The following NOL4 variants were observed in gnomAD, a reference collection of about 807,000 sequenced individuals.
NOL4 encodes cancer/testis antigen 125.
NOL4 carries 17 observed loss-of-function variants against 75.9 expected under a neutral mutation model. That is an observed-to-expected ratio of 0.22 (90% CI 0.15 to 0.34). NOL4 has a LOEUF of 0.34. NOL4 is among the 10% of genes least tolerant of loss of function. The pLI is 1.00. For missense variants in NOL4, 614 were observed against 793.5 expected (o/e 0.77, Z 2.72); for synonymous variants, 292 against 289.9 (o/e 1.01, Z -0.07).
At chr18:34,162,560 G>A (rs573365602) in intron 1 of NOL4, among the ~76,000 whole-genome samples, 23 of 152,262 alleles carry the variant, frequency 1.5e-4, no homozygotes, top group African/African-American at 5.3e-4. Flanking sequence ...TCTCTGAATA[G>A]ACCAATAACA....
chr18:34,063,754 T>C (rs1348096039), intron 5 of NOL4, among the ~76,000 whole-genome samples: 1 of 152,008 alleles, frequency 6.6e-6, no homozygotes, highest in Admixed American at 6.6e-5. Context: ...ACAAACATTA[T>C]TGTTTCCAGA....
chr18:33,885,976 T>C (rs941352996), intron 9 of NOL4, among the ~76,000 whole-genome samples: 3 of 151,916 alleles, frequency 2.0e-5, no homozygotes, highest in Non-Finnish European at 4.4e-5. Flanking sequence ...CACAATGGAG[T>C]GCTATTTGGC....
chr18:33,999,141 G>T (rs1453609083), intron 6 of NOL4, among the ~76,000 whole-genome samples: 1 of 149,678 alleles, frequency 6.7e-6, no homozygotes, highest in Non-Finnish European at 1.5e-5. Context: ...AGATAATGCT[G>T]AGTTTTTTTT....
intron 6 of NOL4, among the ~76,000 whole-genome samples, chr18:33,988,305 T>G (rs2146075456): frequency 6.6e-6 from 1 of 152,188 alleles, no homozygotes; most frequent in Middle Eastern, 3.4e-3. Context: ...ACCTCCCTAC[T>G]TCTATACATG....
chr18:33,962,586 A>G (rs1383159727), intron 6 of NOL4, among the ~76,000 whole-genome samples: 1 of 152,186 alleles, frequency 6.6e-6, no homozygotes, highest in Non-Finnish European at 1.5e-5. Context: ...TAAAACTAGA[A>G]CAGATCTCTG....
At chr18:34,083,557 T>C (rs1190496462) in intron 5 of NOL4, among the ~76,000 whole-genome samples, 1 of 152,174 alleles carries the variant, frequency 6.6e-6, no homozygotes, top group African/African-American at 2.4e-5. Context: ...ACACAGATGG[T>C]TCTGGAACTA....
chr18:34,138,310 T>A (rs1568383509), intron 1 of NOL4, among the ~76,000 whole-genome samples: 1 of 152,054 alleles, frequency 6.6e-6, no homozygotes, highest in African/African-American at 2.4e-5. Flanking sequence ...GCTGAGGTTG[T>A]AGGATCACTT....
At chr18:33,876,673 G>A (rs1476578645) in intron 10 of NOL4, among the ~76,000 whole-genome samples, 4 of 152,026 alleles carry the variant, frequency 2.6e-5, no homozygotes, top group Non-Finnish European at 1.5e-5. Flanking sequence ...ATATGATAAT[G>A]CCATTTTAAA....
intron 9 of NOL4, among the ~76,000 whole-genome samples, chr18:33,926,358 CAAAAAAAAAAAAAA>C (rs67803985): frequency 1.1e-4 from 5 of 46,528 alleles, no homozygotes; most frequent in African/African-American, 3.5e-4. Context: ...GACTCCATCT[CAAAAAAAAAAAAAA>C]AAAAAAAAAA....
chr18:34,020,564 T>C (rs543099278), intron 5 of NOL4, among the ~76,000 whole-genome samples: 1 of 152,200 alleles, frequency 6.6e-6, no homozygotes, highest in Non-Finnish European at 1.5e-5. Context: ...TTTATACCAG[T>C]GTTGTTCATA....
intron 1 of NOL4, chr18:34,221,635 TTA>T (rs1466148995): frequency 6.3e-6 from 1 of 159,508 alleles, no homozygotes; most frequent in Non-Finnish European, 1.4e-5. Context: ...CACAGAACTT[TTA>T]TATGTGTTTC....
chr18:33,905,714 T>C (rs1277780813), intron 9 of NOL4, among the ~76,000 whole-genome samples: 1 of 152,152 alleles, frequency 6.6e-6, no homozygotes, highest in African/African-American at 2.4e-5. Context: ...ATATGCTGTA[T>C]ATCAGGAAGC....
chr18:33,878,938 C>A (rs1006341186), intron 10 of NOL4, among the ~76,000 whole-genome samples: 4 of 151,994 alleles, frequency 2.6e-5, no homozygotes, highest in Admixed American at 2.0e-4. Context: ...CAACAGTCCC[C>A]AAATAATAAT....
intron 6 of NOL4, among the ~76,000 whole-genome samples, chr18:33,989,677 AAC>A (rs1170648648): frequency 6.6e-6 from 1 of 152,126 alleles, no homozygotes; most frequent in Non-Finnish European, 1.5e-5. Flanking sequence ...AGGGAAGTAT[AAC>A]AATTCATCAT....
chr18:34,142,513 G>C (rs1320974489), intron 1 of NOL4, among the ~76,000 whole-genome samples: 1 of 152,140 alleles, frequency 6.6e-6, no homozygotes, highest in Non-Finnish European at 1.5e-5. Flanking sequence ...AAAAAATGAT[G>C]AGTTCATGTC....
At chr18:34,033,537 T>C (rs901237730) in intron 5 of NOL4, among the ~76,000 whole-genome samples, 1 of 152,088 alleles carries the variant, frequency 6.6e-6, no homozygotes, top group Non-Finnish European at 1.5e-5. Flanking sequence ...GCAAAGTTTT[T>C]GTGACATATG....
intron 9 of NOL4, among the ~76,000 whole-genome samples, chr18:33,928,575 C>T (rs2067486113): frequency 6.6e-6 from 1 of 152,086 alleles, no homozygotes; most frequent in South Asian, 2.1e-4. Flanking sequence ...CACAGTACTA[C>T]TGAGGGACCA....
chr18:33,873,068 C>G (rs892750296), intron 10 of NOL4, among the ~76,000 whole-genome samples: 72 of 152,050 alleles, frequency 4.7e-4, no homozygotes, highest in African/African-American at 1.7e-3. Flanking sequence ...ATTCCAGTTA[C>G]GTTTACTTCA....
chr18:34,180,015 G>A (rs1381656211), intron 1 of NOL4, among the ~76,000 whole-genome samples: 1 of 151,236 alleles, frequency 6.6e-6, no homozygotes, highest in Non-Finnish European at 1.5e-5. Context: ...TACAAAGAAA[G>A]CCAAAGACCA....
Sources: allele counts gnomAD v4.1 joint callset (sites outside exome capture counted in the v4.1 genomes callset), GRCh38; gene constraint gnomAD v4.1.1; transcripts MANE v1.5; gene names NCBI Gene and HGNC (gene_info 2026-07-23, HGNC 2026-07-21).